RIN2: variants seen among roughly 807,000 people sequenced by gnomAD.
RIN2 encodes the protein RAB5 interacting protein 2.
Under a neutral mutation model 78.0 loss-of-function variants are expected in RIN2, and 36 were observed. The ratio of observed to expected loss-of-function variants is 0.46; its 90% CI spans 0.35 to 0.61. RIN2 has a LOEUF of 0.61. Ranked by LOEUF, RIN2 falls within the 20% of genes least tolerant of loss-of-function variation. The probability of loss-of-function intolerance (pLI) is 0.00; values close to 1 mark genes in which losing one functional copy is unlikely to be tolerated. For synonymous variants in RIN2, 466 were observed against 466.8 expected (o/e 1.00, Z 0.02); for missense variants, 1,087 against 1,159.7 (o/e 0.94, Z 0.91).
chr20:19,778,442 G>A (rs2034387798), intron 1 of RIN2, among the ~76,000 whole-genome samples: 1 of 152,154 alleles, frequency 6.6e-6, no homozygotes, highest in East Asian at 1.9e-4. Flanking sequence ...TTTATTTGGG[G>A]TACTCACAGT....
chr20:19,920,611 G>C (rs537147543), intron 3 of RIN2, among the ~76,000 whole-genome samples: 1 of 152,330 alleles, frequency 6.6e-6, no homozygotes, highest in South Asian at 2.1e-4. Flanking sequence ...GTGAGCATGC[G>C]CCAAATTGAA....
At chr20:19,895,794 C>T (rs1207889700) in intron 3 of RIN2, 1 of 152,248 alleles carries the variant, frequency 6.6e-6, no homozygotes, top group Non-Finnish European at 1.5e-5. Flanking sequence ...ACCACAAAGA[C>T]TAGACCTGCG....
chr20:19,847,939 C>T (rs1020282856), intron 2 of RIN2, among the ~76,000 whole-genome samples: 5 of 152,156 alleles, frequency 3.3e-5, no homozygotes, highest in Admixed American at 1.3e-4. Flanking sequence ...TTGTTGCAAA[C>T]ATTCACTCCA....
At chr20:19,788,436 A>AAAAAAACAAAAACAAAAAC (rs1568752575) in intron 1 of RIN2, among the ~76,000 whole-genome samples, 2 of 141,728 alleles carry the variant, frequency 1.4e-5, no homozygotes, top group African/African-American at 2.8e-5. Context: ...CTCTGCCAAA[A>AAAAAAACAAAAACAAAAAC]AAAAAAAAAA....
chr20:19,980,279 CACG>C (rs1450691483), intron 9 of RIN2, among the ~76,000 whole-genome samples: 2 of 152,038 alleles, frequency 1.3e-5, no homozygotes, highest in Non-Finnish European at 1.5e-5. Flanking sequence ...AATAGAAGAC[CACG>C]ACAAGAAGCA....
intron 2 of RIN2, among the ~76,000 whole-genome samples, chr20:19,850,970 G>A (rs2036939687): frequency 7.2e-6 from 1 of 138,990 alleles, no homozygotes; most frequent in South Asian, 2.3e-4. Flanking sequence ...GCAAGACTCT[G>A]TCAAAAAAAG....
chr20:19,798,172 C>T (rs1878422277), intron 1 of RIN2, among the ~76,000 whole-genome samples: 2 of 152,094 alleles, frequency 1.3e-5, no homozygotes, highest in Admixed American at 1.3e-4. Context: ...ATCTTTAGAG[C>T]AATGCTTTGA....
chr20:19,797,938 G>A (rs62203167), intron 1 of RIN2, among the ~76,000 whole-genome samples: 15,837 of 140,142 alleles, frequency 0.11, 899 homozygotes, highest in African/African-American at 0.18. Flanking sequence ...TGCAACCTCC[G>A]CCTGCCAGGT....
intron 2 of RIN2, among the ~76,000 whole-genome samples, chr20:19,814,275 C>G (rs2035693398): frequency 6.6e-6 from 1 of 152,156 alleles, no homozygotes; most frequent in Non-Finnish European, 1.5e-5. Context: ...AAGTAAGGTC[C>G]AATCCAGCCG....
chr20:19,890,764 A>G (rs1390963992), intron 3 of RIN2, among the ~76,000 whole-genome samples: 2 of 151,978 alleles, frequency 1.3e-5, no homozygotes, highest in African/African-American at 2.4e-5. Context: ...AAGGAAGAAC[A>G]TCACCAGGAC....
chr20:19,935,658 G>A lies in RIN2; in HGVS notation c.158+459G>A, dbSNP rs139612547. ...CAAAAAACCATTAACCTGAAAAGCC[G>A]TGCAGTGATTGGAAACTGGATGTGG... is the stretch of plus-strand genomic sequence containing the variant. On this transcript the variant is annotated intron_variant, in intron 4 of 12. Coordinates refer to ENST00000255006, the MANE Select transcript of RIN2 (RefSeq NM_018993.4). 1.2e-3 allele frequency: 1,218 copies of A among 976,636 alleles called. 20 individuals carry two copies. The African/African-American group carries it at 0.019, about 15-fold the overall frequency. The allele number at this position is 976,636 out of a possible 1,614,324, so 60.5% of individuals were successfully genotyped here. A position where few individuals can be genotyped will look rare whatever the true frequency, so the allele number is the denominator to read the frequency against.
chr20:19,861,187 A>G (rs2037322132), intron 2 of RIN2, among the ~76,000 whole-genome samples: 1 of 152,126 alleles, frequency 6.6e-6, no homozygotes, highest in South Asian at 2.1e-4. Flanking sequence ...ACCCTTCTTG[A>G]TCCTGTCCAC....
At chr20:19,991,526 T>C (rs1353625274) in intron 10 of RIN2, among the ~76,000 whole-genome samples, 1 of 152,196 alleles carries the variant, frequency 6.6e-6, no homozygotes, top group Non-Finnish European at 1.5e-5. Flanking sequence ...CAATGAAAAA[T>C]GTCTTCAGAC....
chr20:19,814,074 C>G (rs6136842), intron 2 of RIN2, among the ~76,000 whole-genome samples: 10,955 of 152,192 alleles, frequency 0.072, 427 homozygotes, highest in South Asian at 0.1. Context: ...AAACAGAGAA[C>G]AAAGCATTGG....
chr20:19,938,380 A>G (rs2040732955), intron 4 of RIN2, among the ~76,000 whole-genome samples: 1 of 151,156 alleles, frequency 6.6e-6, no homozygotes, highest in Non-Finnish European at 1.5e-5. Flanking sequence ...CACCACACCC[A>G]GCTAATTTTT....
intron 3 of RIN2, among the ~76,000 whole-genome samples, chr20:19,908,468 G>A (rs1224455698): frequency 2.7e-5 from 4 of 149,578 alleles, no homozygotes; most frequent in African/African-American, 7.4e-5. Flanking sequence ...TCCGGCCTGG[G>A]CCACAGAGCG....
At position 19,935,113 on chromosome 20, in the gene RIN2, T is replaced by G. The variant is rs2040584920; in HGVS notation, c.72T>G (p.Ile24Met). 1 of 1,598,444 alleles carries G rather than the reference T, an allele frequency of 6.3e-7. No homozygotes were observed. The highest frequency in any genetic ancestry group is 8.5e-7 in the Non-Finnish European group (1 of 1,172,628). ...TCTTTGAATAGCTCATTGACACAAT[T>G]GCCTCGGAGATCGGAGAACTGAAAC... The part of the protein sequence containing the change: ...RGSFFKLIDT[I>M]ASEIGELKQE... Residue 24 changes from isoleucine to methionine, a missense_variant, in exon 4 of 13, where the codon ATT (isoleucine) becomes ATG (methionine). Ile to Met is a conservative substitution (Grantham distance 10). This residue lies in a region of RIN2 where 706 missense variants were observed against 667.5 expected (regional missense o/e 1.06). Transcript: ENST00000255006.
In RIN2 at chr20:19,975,764, C is replaced by T. The variant is rs749025943; in HGVS notation, c.1739C>T (p.Ser580Leu). Residue 580 changes from serine (S) to leucine (L), a missense_variant, in exon 9 of 13, where the codon TCG becomes TTG. This residue lies in a region of RIN2 where 39 missense variants were observed against 34.9 expected (regional missense o/e 1.12). Coordinates refer to ENST00000255006, the MANE Select transcript of RIN2 (RefSeq NM_018993.4). This position sits in a 1 kb window ranked among gnomAD's most constrained non-coding sequence, Gnocchi z 4.9. ...TCGGAGCTGGACCCCCCCATCGAGT[C>T]GCTGATCCCTGAAGACCAAATAGGT... is the stretch of plus-strand genomic sequence containing the variant. ...QSSELDPPIE[S>L]LIPEDQIDVV... 2 of 1,611,500 alleles carry T rather than the reference C, an allele frequency of 1.2e-6. No homozygotes were observed. Among genetic ancestry groups the T allele is most frequent in the Middle Eastern group, 1.7e-4 (1 of 6,056 alleles).
intron 2 of RIN2, among the ~76,000 whole-genome samples, chr20:19,876,062 A>T (rs2037846128): frequency 2.6e-5 from 4 of 152,232 alleles, no homozygotes; most frequent in Admixed American, 2.0e-4. Context: ...CGGAATGTGA[A>T]GTGGAAAGTC....
Sources: allele counts gnomAD v4.1 joint callset (sites outside exome capture counted in the v4.1 genomes callset), GRCh38; gene constraint gnomAD v4.1.1; regional missense constraint gnomAD v4.1.1; non-coding constraint Gnocchi (gnomAD v3.1); transcripts MANE v1.5; gene names NCBI Gene and HGNC (gene_info 2026-07-23, HGNC 2026-07-21).